The following GPC5 variants were observed in gnomAD, a reference collection of about 807,000 sequenced individuals.
The protein encoded by GPC5 is glypican-5.
A neutral mutation model predicts 53.9 loss-of-function variants in GPC5; 47 were observed. The ratio of observed to expected loss-of-function variants is 0.87; its 90% CI spans 0.69 to 1.11. The LOEUF is 1.11. Among genes scored for constraint, GPC5 ranks in the 50% most tolerant of loss-of-function variants. The pLI, the probability that GPC5 is intolerant of heterozygous loss-of-function variation, is 0.00. For synonymous variants in GPC5, 286 were observed against 263.3 expected, an observed-to-expected ratio of 1.09 and a Z score of -0.84; for missense variants, 748 against 713.1, an observed-to-expected ratio of 1.05 and a Z score of -0.56.
At chr13:92,724,059 G>T (rs183672635) in intron 7 of GPC5, among the ~76,000 whole-genome samples, 205 of 151,460 alleles carry the variant, frequency 1.4e-3, no homozygotes, top group East Asian at 5.2e-3. Flanking sequence ...GTATAAGTTT[G>T]CATTTTAATG....
At chr13:92,727,027 A>T (rs936089086) in intron 7 of GPC5, among the ~76,000 whole-genome samples, 1 of 151,558 alleles carries the variant, frequency 6.6e-6, no homozygotes, top group Admixed American at 6.6e-5. Context: ...TAATTTTAGT[A>T]GAAATGCATT....
intron 2 of GPC5, among the ~76,000 whole-genome samples, chr13:91,687,102 T>C (rs1347501497): frequency 6.6e-6 from 1 of 152,088 alleles, no homozygotes; most frequent in Non-Finnish European, 1.5e-5. Context: ...GGTCATAAAA[T>C]ATAAGTACAT....
At chr13:91,534,236 C>T (rs1425364764) in intron 2 of GPC5, among the ~76,000 whole-genome samples, 1 of 151,744 alleles carries the variant, frequency 6.6e-6, no homozygotes, top group Non-Finnish European at 1.5e-5. Context: ...TCTCTCTATC[C>T]CTCATTATTC....
At chr13:92,031,460 C>T (rs1277766465) in intron 6 of GPC5, among the ~76,000 whole-genome samples, 1 of 151,586 alleles carries the variant, frequency 6.6e-6, no homozygotes, top group East Asian at 1.9e-4. Flanking sequence ...AATCTTCACA[C>T]TGTTTTCCAT....
chr13:91,663,962 C>A (rs2139633196), intron 2 of GPC5, among the ~76,000 whole-genome samples: 1 of 152,256 alleles, frequency 6.6e-6, no homozygotes, highest in African/African-American at 2.4e-5. Context: ...CAGGTGCATG[C>A]CACCATGCTT....
intron 2 of GPC5, among the ~76,000 whole-genome samples, chr13:91,661,562 G>A (rs2034989733): frequency 6.6e-6 from 1 of 152,084 alleles, no homozygotes; most frequent in African/African-American, 2.4e-5. Context: ...GATAAGTACT[G>A]TGGGGAAAAA....
chr13:91,478,339 G>A (rs1300211220), intron 2 of GPC5, among the ~76,000 whole-genome samples: 1 of 151,882 alleles, frequency 6.6e-6, no homozygotes, highest in Admixed American at 6.6e-5. Flanking sequence ...GTTATGAAAT[G>A]TACAAATCCC....
Position 92,047,336 on chromosome 13 carries a change from T to C in GPC5, c.1402-97494T>C, listed in dbSNP as rs569219647. ...AAAACATAGACCAACACCAAGGAGA[T>C]GGGTTCCAGTAATGAAAAATGTACC... On this transcript the variant is annotated intron_variant, in intron 6 of 7. Transcript: ENST00000377067. Among the ~76,000 whole-genome samples, 3 of 152,196 alleles carry C rather than the reference T, an allele frequency of 2.0e-5. No individual in the cohort carries two copies. In the East Asian group the frequency reaches 5.8e-4, roughly 29 times the overall value.
chr13:92,172,359 G>T (rs1463533570), intron 7 of GPC5, among the ~76,000 whole-genome samples: 2 of 152,146 alleles, frequency 1.3e-5, no homozygotes, highest in Non-Finnish European at 2.9e-5. Context: ...TATGGTATGA[G>T]TGCCAAAATG....
intron 2 of GPC5, among the ~76,000 whole-genome samples, chr13:91,567,550 C>T (rs1465136443): frequency 6.6e-6 from 1 of 152,100 alleles, no homozygotes; most frequent in Non-Finnish European, 1.5e-5. Flanking sequence ...ATAGAGATTT[C>T]CACACAAGTT....
At chr13:91,619,241 A>G (rs1465359634) in intron 2 of GPC5, among the ~76,000 whole-genome samples, 1 of 152,136 alleles carries the variant, frequency 6.6e-6, no homozygotes, top group Non-Finnish European at 1.5e-5. Context: ...AATTACCTTT[A>G]CTATGTCAAC....
At position 91,693,204 on chromosome 13, in the gene GPC5, A is replaced by T. The variant is rs1448960759; in HGVS notation, c.343A>T (p.Ile115Phe). Residue 115 changes from isoleucine to phenylalanine, a missense_variant, in exon 3 of 8, where the codon ATC becomes TTC. Physicochemically the swap from Ile to Phe is conservative, Grantham distance 21 (BLOSUM62 0). Coordinates refer to ENST00000377067, the MANE Select transcript of GPC5 (RefSeq NM_004466.6). The part of the protein sequence containing the change: ...AAFQETLETL[I>F]KQAENYTSIL... ...TGTTACAGAAACCCTTGAAACTCTCATCAAACAAGCAGAAAATTACACCAG... is the reference window on the plus strand; with the variant it reads ...TGTTACAGAAACCCTTGAAACTCTCTTCAAACAAGCAGAAAATTACACCAG... 6.2e-7 allele frequency: 1 copy of T among 1,613,082 alleles called. No individual in the cohort carries two copies. The highest frequency in any genetic ancestry group is 1.1e-5 in the South Asian group (1 of 91,036).
In GPC5 at chr13:92,149,148, T is replaced by C. The variant is rs541614672; in HGVS notation, c.1561+4159T>C. Among the ~76,000 whole-genome samples, 6 of 152,210 alleles carry C rather than the reference T, an allele frequency of 3.9e-5. No individual in the cohort carries two copies. In the East Asian group the frequency reaches 1.2e-3, roughly 29 times the overall value. On this transcript the variant is annotated intron_variant, in intron 7 of 7. Transcript: ENST00000377067. ...TAAGGTGGTTTTCAATCTTTGGATT[T>C]ATTTTGCTGGGCTTCTCCTCATCAT... is the stretch of plus-strand genomic sequence containing the variant.
chr13:92,186,795 T>A (rs2042187136), intron 7 of GPC5, among the ~76,000 whole-genome samples: 2 of 152,162 alleles, frequency 1.3e-5, no homozygotes, highest in Non-Finnish European at 2.9e-5. Context: ...TATACAAGTA[T>A]GTTTCAGTGG....
At chr13:91,729,232 T>C (rs899788959) in intron 4 of GPC5, among the ~76,000 whole-genome samples, 3 of 152,208 alleles carry the variant, frequency 2.0e-5, no homozygotes, top group Non-Finnish European at 2.9e-5. Context: ...TAGGGCTCGC[T>C]AACTCACATT....
At chr13:92,852,045 AGATTC>A (rs1376772336) in intron 7 of GPC5, among the ~76,000 whole-genome samples, 2 of 152,180 alleles carry the variant, frequency 1.3e-5, no homozygotes, top group African/African-American at 4.8e-5. Context: ...GGTCCCAGAG[AGATTC>A]GGAGTACCAA....
chr13:92,420,136 G>A (rs1358855694), intron 7 of GPC5, among the ~76,000 whole-genome samples: 1 of 152,006 alleles, frequency 6.6e-6, no homozygotes, highest in African/African-American at 2.4e-5. Context: ...ACTATTTTAA[G>A]TTTTTCTAGA....
intron 7 of GPC5, among the ~76,000 whole-genome samples, chr13:92,439,132 A>C (rs901727458): frequency 6.6e-6 from 1 of 152,174 alleles, no homozygotes; most frequent in African/African-American, 2.4e-5. Flanking sequence ...AGACAATCTA[A>C]GATATAATTA....
intron 7 of GPC5, among the ~76,000 whole-genome samples, chr13:92,453,727 C>T (rs969324112): frequency 6.6e-6 from 1 of 152,124 alleles, no homozygotes; most frequent in African/African-American, 2.4e-5. Context: ...GAAATGGAAG[C>T]ATAGCATCAG....
Sources: gnomAD v4.1 joint callset for allele counts (sites outside exome capture counted in the v4.1 genomes callset) on GRCh38, gnomAD v4.1.1 for gene constraint, MANE v1.5 for transcripts, NCBI Gene and HGNC (gene_info 2026-07-23, HGNC 2026-07-21) for gene names.